The following UBQLN4 variants were observed in gnomAD, a reference collection of about 807,000 sequenced individuals.
The protein encoded by UBQLN4 is ubiquilin-4.
Under a neutral mutation model 60.4 loss-of-function variants are expected in UBQLN4, and 11 were observed. The observed-to-expected ratio is 0.18, with a 90% CI of 0.11 to 0.30. The LOEUF (loss-of-function observed/expected upper bound fraction) is 0.30, where lower values mean the gene tolerates loss of function less well. UBQLN4 is among the 10% of genes least tolerant of loss of function. The probability of loss-of-function intolerance (pLI) is 1.00; values close to 1 mark genes in which losing one functional copy is unlikely to be tolerated. For missense variants in UBQLN4, 417 were observed against 795.5 expected (o/e 0.52, Z 5.72); for synonymous variants, 258 against 313.1 (o/e 0.82, Z 1.86).
At chr1:156,045,484 T>C (rs1683675014) in intron 5 of UBQLN4, among the ~76,000 whole-genome samples, 1 of 152,252 alleles carries the variant, frequency 6.6e-6, no homozygotes, top group Non-Finnish European at 1.5e-5. Context: ...CCATCATTTA[T>C]TGAGCACCTA....
intron 5 of UBQLN4, among the ~76,000 whole-genome samples, chr1:156,045,810 G>A (rs1426490058): frequency 6.6e-6 from 1 of 151,934 alleles, no homozygotes; most frequent in East Asian, 1.9e-4. Context: ...GGAAAATAAA[G>A]TTATTTTTCA....
chr1:156,041,665 G>A lies in UBQLN4; in HGVS notation c.1473C>T (p.Gly491=), dbSNP rs1311086291. ...TEAPGLVPSL[G]SFGISRTPAP... ...CTGGGGTCCGGGATATCCCAAAGGA[G>A]CCAAGGCTGTAGGCAAGAGAGACCA... The change falls in exon 10 of 11, where the codon GGC becomes GGT. Residue 491 remains glycine (G), a synonymous_variant. Transcript: ENST00000368309. 6.4e-7 allele frequency: 1 copy of A among 1,553,448 alleles called. No homozygotes were observed. The highest frequency in any genetic ancestry group is 2.1e-5 in the Admixed American group (1 of 48,004).
At chr1:156,038,231 C>G (rs1042484137) in intron 10 of UBQLN4, among the ~76,000 whole-genome samples, 2 of 151,348 alleles carry the variant, frequency 1.3e-5, no homozygotes, top group Admixed American at 6.6e-5. Context: ...CAAAAAATTA[C>G]CCAGGTGTGG....
chr1:156,050,234 G>A lies in UBQLN4; in HGVS notation c.741+57C>T. Reference sequence around the variant, plus strand: ...AATGTAGGACAAAGTAGGAAAGGCTGGGCAGGGCACGGCTGGGCACCAGTG... The same window carrying A: ...AATGTAGGACAAAGTAGGAAAGGCTAGGCAGGGCACGGCTGGGCACCAGTG... On this transcript the variant is annotated intron_variant, in intron 4 of 10. Coordinates refer to ENST00000368309, the MANE Select transcript of UBQLN4 (RefSeq NM_020131.5). The surrounding 1 kb of genome is among the most constrained non-coding windows in gnomAD (Gnocchi z 4.6). The A allele has an allele frequency of 1.3e-6, 2 of 1,508,892 alleles. No individual in the cohort carries two copies. The highest frequency in any genetic ancestry group is 1.8e-6 in the Non-Finnish European group (2 of 1,126,530). The allele number at this position is 1,508,892 out of a possible 1,614,324, so 93.5% of individuals were successfully genotyped here. A position where few individuals can be genotyped will look rare whatever the true frequency, so the allele number is the denominator to read the frequency against.
rs1056150365 is a variant in UBQLN4 at position 156,047,464 on chromosome 1, C to T, written c.900+1037G>A. Among the ~76,000 whole-genome samples the T allele has an allele frequency of 5.3e-5, 8 of 151,080 alleles. No individual in the cohort carries two copies. The South Asian group carries it at 6.3e-4, about 12-fold the overall frequency. On this transcript the variant is annotated intron_variant, in intron 5 of 10. Coordinates refer to ENST00000368309, the MANE Select transcript of UBQLN4 (RefSeq NM_020131.5). ...TTCACCATTTTAGCCAGGATGGTCT[C>T]GATCTCCTGACCTCGTGATCCGCCC... is the stretch of plus-strand genomic sequence containing the variant.
rs763579352 is a variant in UBQLN4 at position 156,048,455 on chromosome 1, C to G, written c.900+46G>C. On this transcript the variant is annotated intron_variant, in intron 5 of 10. Coordinates refer to ENST00000368309, the MANE Select transcript of UBQLN4 (RefSeq NM_020131.5). This position sits in a 1 kb window ranked among gnomAD's most constrained non-coding sequence, Gnocchi z 4.9. The stretch of plus-strand genomic sequence containing the variant: ...TTTGCCTGGGGTGGGGGTAGGGAAT[C>G]TCGAGCCCAGACAGCCCAACCCACT... 6.4e-7 allele frequency: 1 copy of G among 1,565,740 alleles called. No individual in the cohort carries two copies. The highest frequency in any genetic ancestry group is 8.7e-7 in the Non-Finnish European group (1 of 1,147,196).
At chr1:156,052,069 C>G (rs1406189591) in intron 1 of UBQLN4, among the ~76,000 whole-genome samples, 1 of 152,156 alleles carries the variant, frequency 6.6e-6, no homozygotes, top group Non-Finnish European at 1.5e-5. Flanking sequence ...TCTCTCAGCT[C>G]CATCCCAGAG....
At chr1:156,046,871 C>T (rs1259083201) in intron 5 of UBQLN4, among the ~76,000 whole-genome samples, 1 of 152,042 alleles carries the variant, frequency 6.6e-6, no homozygotes, top group African/African-American at 2.4e-5. Flanking sequence ...ATAATAAGAC[C>T]AGCATGGTAC....
At position 156,045,851 on chromosome 1, in the gene UBQLN4, AT is replaced by A. The variant is rs879364795; in HGVS notation, c.901-1629del. 5.9e-4 allele frequency among the ~76,000 whole-genome samples: 88 copies of A among 147,904 alleles called. 1 individual carries two copies. Among genetic ancestry groups the A allele is most frequent in the Middle Eastern group, 3.4e-3 (1 of 290 alleles). ...ATGTTATTTATGTTAACTTGTAATA[AT>A]TTTTTTTTTTTGAGATGGAGTCTCG... On this transcript the variant is annotated intron_variant, in intron 5 of 10. Transcript: ENST00000368309.
In UBQLN4 at chr1:156,048,895, C is replaced by A. The variant is rs1453885782; in HGVS notation, c.742-236G>T. On this transcript the variant is annotated intron_variant, in intron 4 of 10. Coordinates refer to ENST00000368309, the MANE Select transcript of UBQLN4 (RefSeq NM_020131.5). This position sits in a 1 kb window ranked among gnomAD's most constrained non-coding sequence, Gnocchi z 4.9. ...CTTTTTCTAGTGGAGGACAATGATC[C>A]CAGCTGAAGTGAGGGCAGCAGCTTC... Among the ~76,000 whole-genome samples, 1 of 152,140 alleles carries A rather than the reference C, an allele frequency of 6.6e-6. No individual in the cohort carries two copies. Among genetic ancestry groups the A allele is most frequent in the African/African-American group, 2.4e-5 (1 of 41,424 alleles).
chr1:156,040,320 T>C (rs1489902394), intron 10 of UBQLN4, among the ~76,000 whole-genome samples: 1 of 149,530 alleles, frequency 6.7e-6, no homozygotes, highest in African/African-American at 2.5e-5. Context: ...GGCTTGAACC[T>C]GGGAGGCAGA....
Position 156,051,709 on chromosome 1 carries a change from T to C in UBQLN4, c.257A>G (p.Gln86Arg), listed in dbSNP as rs761275690. The C allele has an allele frequency of 1.2e-6, 2 of 1,613,380 alleles. No individual in the cohort carries two copies. The highest frequency in any genetic ancestry group is 2.2e-5 in the South Asian group (2 of 91,032). ...LTVHLVIKTP[Q>R]KAQDPAAATA... ...TCTGCTCTGCTCCTGAACTTACTTC[T>C]GAGGGGTCTTGATGACCAGATGGAC... Residue 86 changes from glutamine (Q) to arginine (R), a missense_variant, in exon 2 of 11, where the codon CAG becomes CGG. By Grantham distance (43) the Gln-to-Arg change is conservative. Coordinates refer to ENST00000368309, the MANE Select transcript of UBQLN4 (RefSeq NM_020131.5).
chr1:156,050,613 G>T lies in UBQLN4; in HGVS notation c.479-60C>A. On this transcript the variant is annotated intron_variant, in intron 3 of 10. Transcript: ENST00000368309. The surrounding 1 kb of genome is among the most constrained non-coding windows in gnomAD (Gnocchi z 4.6). ...AGAACAGTGTCCTCACTTAGCCAGA[G>T]CCACTGAATTCAGATCTCCAGGACA... is the stretch of plus-strand genomic sequence containing the variant. 1.3e-6 allele frequency: 2 copies of T among 1,527,874 alleles called. No individual in the cohort carries two copies. Among genetic ancestry groups the T allele is most frequent in the Non-Finnish European group, 1.8e-6 (2 of 1,136,626 alleles). 94.6% of individuals were successfully genotyped at this position (1,527,874 alleles called of 1,614,324 possible).
intron 2 of UBQLN4, 54 bp downstream of exon 2, chr1:156,051,645 GAGAAAGT>G (rs1683874219): frequency 6.2e-7 from 1 of 1,606,320 alleles, no homozygotes; most frequent in Admixed American, 1.7e-5. Flanking sequence ...AGCAATGAGT[GAGAAAGT>G]ATCAGATGGG....
rs1683844984 is a variant in UBQLN4, at chr1:156,050,694, G to A, written c.479-141C>T. The A allele has an allele frequency of 1.8e-5, 24 of 1,323,872 alleles. No individual in the cohort carries two copies. In the South Asian group the frequency reaches 3.4e-4, roughly 19 times the overall value. 82.0% of individuals were successfully genotyped at this position (1,323,872 alleles called of 1,614,324 possible). A position where few individuals can be genotyped will look rare whatever the true frequency, so the allele number is the denominator to read the frequency against. ...CCTGTCATTCCCACAGCCCGGCCCT[G>A]ATCCACTGCTGGCAAAAAAATGTGA... On this transcript the variant is annotated intron_variant, in intron 3 of 10. Coordinates refer to ENST00000368309, the MANE Select transcript of UBQLN4 (RefSeq NM_020131.5). This position sits in a 1 kb window ranked among gnomAD's most constrained non-coding sequence, Gnocchi z 4.6.
At chr1:156,043,869 G>A in intron 6 of UBQLN4, 129 bp downstream of exon 6, 2 of 1,024,070 alleles carry the variant, frequency 2.0e-6, no homozygotes, top group Admixed American at 4.4e-5. Flanking sequence ...AGACGGCAGA[G>A]CCCCCTCTGT....
At chr1:156,051,997 T>G in intron 1 of UBQLN4, 140 bp from the exon 2 acceptor site, 1 of 980,320 alleles carries the variant, frequency 1.0e-6, no homozygotes, top group Non-Finnish European at 1.5e-6. Flanking sequence ...CTCGACGCCA[T>G]TCCTCCAGCT....
rs549129522 is a variant in UBQLN4 at position 156,042,810 on chromosome 1, C to T, written c.1230G>A (p.Met410Ile). ...VISAPYMRSM[M>I]QTLAQNPDFA... is the part of the protein sequence containing the mutation. ...AGTCGGGGTTCTGGGCAAGCGTCTG[C>T]ATCATGCTGCGCATGTAGGGTGCTG... The change falls in exon 7 of 11, where the codon ATG becomes ATA. Residue 410 changes from methionine (M) to isoleucine (I), a missense_variant. Physicochemically the swap from Met to Ile is conservative, Grantham distance 10 (BLOSUM62 1). Transcript: ENST00000368309. 41 of 1,614,194 alleles carry T rather than the reference C, an allele frequency of 2.5e-5. No individual in the cohort carries two copies. The South Asian group carries it at 4.4e-4, about 17-fold the overall frequency.
Position 156,050,360 on chromosome 1 carries a change from C to G in UBQLN4, c.672G>C (p.Gln224His), listed in dbSNP as rs1181173171. 6.2e-7 allele frequency: 1 copy of G among 1,612,828 alleles called. No individual in the cohort carries two copies. The part of the protein sequence containing the change: ...LMRHMIMANP[Q>H]MQQLMERNPE... Reference sequence around the variant, plus strand: ...GGTTCCGCTCCATCAACTGCTGCATCTGGGGGTTGGCCATAATCATGTGAC... The same window carrying G: ...GGTTCCGCTCCATCAACTGCTGCATGTGGGGGTTGGCCATAATCATGTGAC... The change falls in exon 4 of 11, where the codon CAG (glutamine) becomes CAC (histidine). Residue 224 changes from glutamine (Q) to histidine (H), a missense_variant. Transcript: ENST00000368309. The surrounding 1 kb of genome is among the most constrained non-coding windows in gnomAD (Gnocchi z 4.6).
Sources: gnomAD v4.1 joint callset for allele counts (sites outside exome capture counted in the v4.1 genomes callset) on GRCh38, gnomAD v4.1.1 for gene constraint, Gnocchi (gnomAD v3.1) non-coding constraint, MANE v1.5 for transcripts, NCBI Gene and HGNC (gene_info 2026-07-23, HGNC 2026-07-21) for gene names.